Variants in PLEKHA7 observed in about 807,000 individuals in gnomAD.
The protein encoded by PLEKHA7 is pleckstrin homology domain containing A7.
PLEKHA7 carries 104 observed loss-of-function variants against 170.0 expected under a neutral mutation model. The observed-to-expected ratio is 0.61, with a 90% CI of 0.52 to 0.72. The LOEUF (loss-of-function observed/expected upper bound fraction) is 0.72, where lower values mean the gene tolerates loss of function less well. PLEKHA7 is among the 30% of genes least tolerant of loss of function. The probability of loss-of-function intolerance (pLI) is 0.00; values close to 1 mark genes in which losing one functional copy is unlikely to be tolerated. For synonymous variants in PLEKHA7, 648 were observed against 660.8 expected (o/e 0.98, Z 0.30); for missense variants, 1,615 against 1,671.7 (o/e 0.97, Z 0.59).
At chr11:16,805,899 A>G (rs573985613) in intron 13 of PLEKHA7, among the ~76,000 whole-genome samples, 2 of 152,104 alleles carry the variant, frequency 1.3e-5, no homozygotes, top group Non-Finnish European at 2.9e-5. Flanking sequence ...AGGTACTTAC[A>G]TCTCTTCTCT....
At chr11:16,857,513 AG>A (rs1353025352) in intron 4 of PLEKHA7, among the ~76,000 whole-genome samples, 2 of 152,230 alleles carry the variant, frequency 1.3e-5, no homozygotes, top group African/African-American at 4.8e-5. Flanking sequence ...AGGCTCCAAG[AG>A]GCGGCCTTGT....
intron 4 of PLEKHA7, among the ~76,000 whole-genome samples, chr11:16,861,357 T>C (rs1465118367): frequency 1.5e-5 from 1 of 65,872 alleles, no homozygotes; most frequent in African/African-American, 3.4e-5. Flanking sequence ...CTGTCTCTAT[T>C]AAAATTAAAA....
intron 3 of PLEKHA7, among the ~76,000 whole-genome samples, chr11:16,947,938 A>AAAAAAAAAAAAGAAAAG (rs1861151221): frequency 6.6e-6 from 1 of 150,536 alleles, no homozygotes; most frequent in African/African-American, 2.5e-5. Context: ...AAAAAGAAAA[A>AAAAAAAAAAAAGAAAAG]AAAGAAAAAA....
At chr11:16,842,787 A>T (rs1852077405) in intron 8 of PLEKHA7, among the ~76,000 whole-genome samples, 1 of 152,154 alleles carries the variant, frequency 6.6e-6, no homozygotes, top group Non-Finnish European at 1.5e-5. Context: ...AAAGAGGAAG[A>T]TTTACTGAGT....
chr11:16,900,280 CT>C (rs1381174011), intron 3 of PLEKHA7, among the ~76,000 whole-genome samples: 13 of 152,236 alleles, frequency 8.5e-5, no homozygotes, highest in Non-Finnish European at 1.9e-4. Context: ...ACAGTTGGAA[CT>C]CAATAAATTT....
chr11:16,970,080 A>C (rs1324947337), intron 3 of PLEKHA7, among the ~76,000 whole-genome samples: 9 of 152,232 alleles, frequency 5.9e-5, no homozygotes, highest in Non-Finnish European at 1.3e-4. Context: ...TTAAAAGGTG[A>C]AAACTTTTTC....
chr11:16,817,356 C>A lies in PLEKHA7; in HGVS notation c.1344-34G>T. 6.4e-7 allele frequency: 1 copy of A among 1,563,132 alleles called. No homozygotes were observed. The highest frequency in any genetic ancestry group is 8.6e-7 in the Non-Finnish European group (1 of 1,157,202). On this transcript the variant is annotated intron_variant, in intron 10 of 26. Coordinates refer to ENST00000531066, the MANE Select transcript of PLEKHA7 (RefSeq NM_001329630.2). This position sits in a 1 kb window ranked among gnomAD's most constrained non-coding sequence, Gnocchi z 4.4. ...AAAGGGTAAGAACGGGTCAGGCAAC[C>A]AAGCGAGGGTTCTGCAGGCTTTGGG... is the stretch of plus-strand genomic sequence containing the variant.
intron 3 of PLEKHA7, among the ~76,000 whole-genome samples, chr11:16,952,990 A>G (rs1226926455): frequency 6.6e-6 from 1 of 152,252 alleles, no homozygotes; most frequent in Non-Finnish European, 1.5e-5. Flanking sequence ...TTTTTTGACA[A>G]CTGACACTAC....
intron 3 of PLEKHA7, among the ~76,000 whole-genome samples, chr11:16,986,140 C>A (rs918692129): frequency 1.3e-5 from 2 of 152,146 alleles, no homozygotes; most frequent in African/African-American, 4.8e-5. Context: ...TGTGCTTTAA[C>A]AGGACACAGA....
At chr11:16,841,882 T>A (rs1348921873) in intron 8 of PLEKHA7, among the ~76,000 whole-genome samples, 160 bp from the exon 9 acceptor site, 2 of 152,208 alleles carry the variant, frequency 1.3e-5, no homozygotes, top group East Asian at 3.9e-4. Flanking sequence ...GATTTCTCTT[T>A]CTTAGTGCAG....
At chr11:16,904,363 G>A (rs1025138799) in intron 3 of PLEKHA7, among the ~76,000 whole-genome samples, 2 of 152,052 alleles carry the variant, frequency 1.3e-5, no homozygotes, top group Non-Finnish European at 2.9e-5. Context: ...TATTTTTACA[G>A]TCAAAAACTG....
chr11:16,852,225 C>A, intron 7 of PLEKHA7, 58 bp downstream of exon 7: 2 of 1,485,242 alleles, frequency 1.3e-6, no homozygotes, highest in Non-Finnish European at 1.9e-6. Flanking sequence ...AGTCACCAAC[C>A]ATCCACATAT....
At chr11:17,006,198 C>T (rs1038498481) in intron 3 of PLEKHA7, among the ~76,000 whole-genome samples, 1 of 151,040 alleles carries the variant, frequency 6.6e-6, no homozygotes, top group Non-Finnish European at 1.5e-5. Flanking sequence ...TGTGAAACCC[C>T]GTCTCTACTA....
intron 4 of PLEKHA7, among the ~76,000 whole-genome samples, chr11:16,870,787 A>C (rs1854773733): frequency 6.6e-6 from 1 of 152,132 alleles, no homozygotes; most frequent in Non-Finnish European, 1.5e-5. Context: ...GGTCCTCTTC[A>C]AACAGGGCTA....
chr11:16,867,807 T>C (rs188362976), intron 4 of PLEKHA7, among the ~76,000 whole-genome samples: 1 of 152,296 alleles, frequency 6.6e-6, no homozygotes, highest in East Asian at 1.9e-4. Flanking sequence ...TCCTCAGCTG[T>C]GAATGACACC....
chr11:16,855,724 T>C, intron 5 of PLEKHA7, 79 bp downstream of exon 5: 3 of 1,064,508 alleles, frequency 2.8e-6, no homozygotes, highest in South Asian at 1.4e-5. Context: ...ATAGTGAAGA[T>C]CAAATGGACT....
rs937658121 is a variant in PLEKHA7 at position 16,777,551 on chromosome 11, T to A, written c.*1447A>T. 1 of 152,208 alleles carries A rather than the reference T, an allele frequency of 6.6e-6. No individual in the cohort carries two copies. The highest frequency in any genetic ancestry group is 2.4e-5 in the African/African-American group (1 of 41,448). 9.4% of individuals were successfully genotyped at this position (152,208 alleles called of 1,614,324 possible). ...GAGCATAGTCAAAGAGAAATTTTCA[T>A]TTAAAGTGTGGCTCCACCCAATGGA... On this transcript the variant is annotated 3_prime_UTR_variant, in exon 27 of 27. Coordinates refer to ENST00000531066, the MANE Select transcript of PLEKHA7 (RefSeq NM_001329630.2).
intron 3 of PLEKHA7, among the ~76,000 whole-genome samples, chr11:16,930,381 G>A (rs1859844689): frequency 6.6e-6 from 1 of 152,164 alleles, no homozygotes; most frequent in Non-Finnish European, 1.5e-5. Context: ...AGGAGCTACA[G>A]ATTACAATGA....
chr11:16,800,203 G>A (rs1488114608), intron 17 of PLEKHA7, among the ~76,000 whole-genome samples: 1 of 152,164 alleles, frequency 6.6e-6, no homozygotes, highest in Admixed American at 6.5e-5. Context: ...CTTAAGTCAG[G>A]GGAGAAAAAA....
Sources: allele counts gnomAD v4.1 joint callset (sites outside exome capture counted in the v4.1 genomes callset), GRCh38; gene constraint gnomAD v4.1.1; non-coding constraint Gnocchi (gnomAD v3.1); transcripts MANE v1.5; gene names NCBI Gene and HGNC (gene_info 2026-07-23, HGNC 2026-07-21).